The following SHLD2 variants were observed in gnomAD, a reference collection of about 807,000 sequenced individuals.
The protein encoded by SHLD2 is shieldin complex subunit 2.
SHLD2 carries 30 observed loss-of-function variants against 73.2 expected under a neutral mutation model. That is an observed-to-expected ratio of 0.41 (90% CI 0.31 to 0.56). The LOEUF (loss-of-function observed/expected upper bound fraction) is 0.56. Among genes scored for constraint, SHLD2 ranks in the 20% least tolerant of loss-of-function variants. The probability of loss-of-function intolerance (pLI) is 0.28; values close to 1 mark genes in which losing one functional copy is unlikely to be tolerated. For missense variants in SHLD2, 745 were observed against 1,055.9 expected, an observed-to-expected ratio of 0.71 and a Z score of 4.08; for synonymous variants, 285 against 370.1, an observed-to-expected ratio of 0.77 and a Z score of 2.64.
At chr10:87,187,899 A>G (rs1232127807) in intron 9 of SHLD2, among the ~76,000 whole-genome samples, 1 of 151,930 alleles carries the variant, frequency 6.6e-6, no homozygotes, top group African/African-American at 2.4e-5. Context: ...GTTGAGTTGG[A>G]TTCAGGTTTT....
chr10:87,169,347 T>G lies in SHLD2; in HGVS notation c.1634-1131T>G, dbSNP rs1445757803. Among the ~76,000 whole-genome samples, 5 of 152,350 alleles carry G rather than the reference T, an allele frequency of 3.3e-5. No homozygotes were observed. The South Asian group carries it at 8.3e-4, about 25-fold the overall frequency. On this transcript the variant is annotated intron_variant, in intron 4 of 9. Transcript: ENST00000298786. ...TATTACGTGTGGTTTTAATTTTTTCTTTGTAACTTTAGTTTGAATTTTATG... is the reference window on the plus strand; with the variant it reads ...TATTACGTGTGGTTTTAATTTTTTCGTTGTAACTTTAGTTTGAATTTTATG...
At chr10:87,109,754 C>G (rs1842811222) in intron 2 of SHLD2, among the ~76,000 whole-genome samples, 1 of 152,190 alleles carries the variant, frequency 6.6e-6, no homozygotes, top group African/African-American at 2.4e-5. Flanking sequence ...TCATCACCTG[C>G]CTTTCCTCTG....
At chr10:87,107,812 A>G (rs574871726) in intron 2 of SHLD2, among the ~76,000 whole-genome samples, 203 of 152,330 alleles carry the variant, frequency 1.3e-3, no homozygotes, top group Non-Finnish European at 2.5e-3. Flanking sequence ...TGTAGACTAC[A>G]TACTTAAATA....
At chr10:87,095,360 T>C (rs1841752523) in intron 1 of SHLD2, 112 bp downstream of exon 1, 1 of 151,790 alleles carries the variant, frequency 6.6e-6, no homozygotes, top group Non-Finnish European at 1.5e-5. Flanking sequence ...GAGCGCCGCG[T>C]GGGTGAGGCT....
chr10:87,184,560 T>C (rs1254065168), intron 8 of SHLD2, among the ~76,000 whole-genome samples: 1 of 152,032 alleles, frequency 6.6e-6, no homozygotes, highest in African/African-American at 2.4e-5. Flanking sequence ...CCTTGCCTCC[T>C]CCCCTTTATT....
At chr10:87,151,058 C>T (rs1443589601) in intron 2 of SHLD2, among the ~76,000 whole-genome samples, 2 of 152,076 alleles carry the variant, frequency 1.3e-5, no homozygotes, top group Non-Finnish European at 2.9e-5. Context: ...CTCCTGACCT[C>T]GTGATCCACC....
At chr10:87,144,933 A>G (rs896299616) in intron 2 of SHLD2, among the ~76,000 whole-genome samples, 2 of 110,498 alleles carry the variant, frequency 1.8e-5, no homozygotes, top group African/African-American at 7.5e-5. Flanking sequence ...CCCGGCCTGT[A>G]ATTCTTTTTT....
chr10:87,128,857 G>A (rs1844224119), intron 2 of SHLD2, among the ~76,000 whole-genome samples: 1 of 151,982 alleles, frequency 6.6e-6, no homozygotes, highest in Admixed American at 6.6e-5. Flanking sequence ...TTTTGTTGTT[G>A]TTTTTGTTTT....
intron 2 of SHLD2, among the ~76,000 whole-genome samples, chr10:87,121,762 CT>C (rs571649405): frequency 0.023 from 3,012 of 130,920 alleles, 101 homozygotes; most frequent in African/African-American, 0.073. Flanking sequence ...TTCTTTCTTT[CT>C]TTTTTTTTTT....
chr10:87,138,190 C>T (rs530617707), intron 2 of SHLD2, among the ~76,000 whole-genome samples: 2 of 151,904 alleles, frequency 1.3e-5, no homozygotes, highest in African/African-American at 4.8e-5. Flanking sequence ...CCCAGCTACT[C>T]GGGAGGCTGA....
intron 3 of SHLD2, among the ~76,000 whole-genome samples, chr10:87,153,858 C>G (rs1224661728): frequency 6.6e-6 from 1 of 152,052 alleles, no homozygotes; most frequent in Admixed American, 6.5e-5. Flanking sequence ...AATTTATACT[C>G]TTACTATATA....
chr10:87,137,774 T>C (rs1844899264), intron 2 of SHLD2, among the ~76,000 whole-genome samples: 2 of 152,072 alleles, frequency 1.3e-5, no homozygotes, highest in Non-Finnish European at 2.9e-5. Context: ...ATCCCATATA[T>C]AGGCATATCA....
intron 2 of SHLD2, among the ~76,000 whole-genome samples, chr10:87,139,918 G>A (rs987449060): frequency 1.3e-5 from 2 of 152,162 alleles, no homozygotes; most frequent in Admixed American, 6.5e-5. Flanking sequence ...GTGATTAACA[G>A]CAGATTAGAC....
chr10:87,103,887 A>C (rs1842424612), intron 2 of SHLD2, among the ~76,000 whole-genome samples: 1 of 152,198 alleles, frequency 6.6e-6, no homozygotes, highest in Admixed American at 6.5e-5. Context: ...TGAACAATAT[A>C]GGATCTTATC....
intron 1 of SHLD2, among the ~76,000 whole-genome samples, chr10:87,095,455 C>T (rs2133885634): frequency 6.6e-6 from 1 of 152,252 alleles, no homozygotes; most frequent in African/African-American, 2.4e-5. Flanking sequence ...GCGGCCCACC[C>T]TGGCCTGTCC....
rs552333260 is a variant in SHLD2, at chr10:87,145,147, TAGTC to T, written c.-5-6200_-5-6197del. On this transcript the variant is annotated intron_variant, in intron 2 of 9. Coordinates refer to ENST00000298786, the MANE Select transcript of SHLD2 (RefSeq NM_001330112.2). ...TAGTGGAGACGGGGTTTCACCGTGT[TAGTC>T]AGGATGGTCTCGATCTCCTGACCTC... 2.0e-3 allele frequency among the ~76,000 whole-genome samples: 306 copies of T among 152,066 alleles called. 1 individual carries two copies. The highest frequency in any genetic ancestry group is 6.9e-3 in the African/African-American group (288 of 41,450).
At chr10:87,121,549 A>G (rs374656019) in intron 2 of SHLD2, among the ~76,000 whole-genome samples, 1 of 151,938 alleles carries the variant, frequency 6.6e-6, no homozygotes, top group Admixed American at 6.6e-5. Flanking sequence ...TCTGGTTTGT[A>G]TATTTCCAAA....
chr10:87,115,101 A>T (rs1843159920), intron 2 of SHLD2, among the ~76,000 whole-genome samples: 1 of 152,028 alleles, frequency 6.6e-6, no homozygotes, highest in Non-Finnish European at 1.5e-5. Context: ...CCCAGGCTGG[A>T]GTGCAGTGGT....
chr10:87,109,130 T>C (rs1410297652), intron 2 of SHLD2, among the ~76,000 whole-genome samples: 3 of 152,166 alleles, frequency 2.0e-5, no homozygotes, highest in Non-Finnish European at 4.4e-5. Context: ...GGTTTGGGCA[T>C]GTCATTGGCT....
Sources: gnomAD v4.1 joint callset for allele counts (sites outside exome capture counted in the v4.1 genomes callset) on GRCh38, gnomAD v4.1.1 for gene constraint, MANE v1.5 for transcripts, NCBI Gene and HGNC (gene_info 2026-07-23, HGNC 2026-07-21) for gene names.